The following SLC30A8 variants were observed in gnomAD, a reference collection of about 807,000 sequenced individuals.
The protein encoded by SLC30A8 is proton-coupled zinc antiporter SLC30A8.
A neutral mutation model predicts 36.9 loss-of-function variants in SLC30A8; 27 were observed. That is an observed-to-expected ratio of 0.73 (90% CI 0.54 to 1.01). SLC30A8 has a LOEUF of 1.01. SLC30A8 is among the 50% of genes least tolerant of loss of function. The probability of loss-of-function intolerance (pLI) is 0.00; values close to 1 mark genes in which losing one functional copy is unlikely to be tolerated. For synonymous variants in SLC30A8, 164 were observed against 172.4 expected (o/e 0.95, Z 0.38); for missense variants, 439 against 452.0 (o/e 0.97, Z 0.26).
At chr8:116,959,624 A>G (rs1206120175) in intron 1 of SLC30A8, among the ~76,000 whole-genome samples, 1 of 151,960 alleles carries the variant, frequency 6.6e-6, no homozygotes, top group East Asian at 1.9e-4. Context: ...TGATCCTTTC[A>G]GTTTCTGCTT....
intron 1 of SLC30A8, among the ~76,000 whole-genome samples, chr8:117,012,400 G>A (rs1163798023): frequency 6.6e-6 from 1 of 151,366 alleles, no homozygotes; most frequent in African/African-American, 2.4e-5. Flanking sequence ...TCAACCAGTT[G>A]TGGATTGAAA....
chr8:116,956,197 G>T (rs931099483), intron 1 of SLC30A8, among the ~76,000 whole-genome samples: 1 of 152,176 alleles, frequency 6.6e-6, no homozygotes, highest in African/African-American at 2.4e-5. Flanking sequence ...CAACAGAATG[G>T]ATGCAAAGAT....
At chr8:117,155,504 C>T (rs1448824474) in intron 3 of SLC30A8, among the ~76,000 whole-genome samples, 1 of 152,058 alleles carries the variant, frequency 6.6e-6, no homozygotes, top group East Asian at 1.9e-4. Context: ...TGAGTGTTTG[C>T]TATATGTTAT....
intron 2 of SLC30A8, among the ~76,000 whole-genome samples, chr8:117,089,965 T>C (rs529594786): frequency 2.3e-4 from 35 of 151,458 alleles, no homozygotes; most frequent in Admixed American, 1.9e-3. Context: ...GAAACAATCT[T>C]GATAATTCCT....
At chr8:117,107,013 A>G (rs545597922) in intron 2 of SLC30A8, among the ~76,000 whole-genome samples, 28 of 152,316 alleles carry the variant, frequency 1.8e-4, no homozygotes, top group Middle Eastern at 3.4e-3. Context: ...AATTTTTGCC[A>G]TAGCACTTTC....
At chr8:117,022,268 AT>A (rs1816723275) in intron 1 of SLC30A8, among the ~76,000 whole-genome samples, 1 of 152,112 alleles carries the variant, frequency 6.6e-6, no homozygotes, top group African/African-American at 2.4e-5. Flanking sequence ...GATGGATAAA[AT>A]TTTTTTAAAC....
intron 1 of SLC30A8, among the ~76,000 whole-genome samples, chr8:116,980,407 A>G (rs1815212350): frequency 6.6e-6 from 1 of 152,158 alleles, no homozygotes; most frequent in Non-Finnish European, 1.5e-5. Flanking sequence ...ATGTAGTCTC[A>G]GCTGGAGACC....
intron 5 of SLC30A8, 151 bp downstream of exon 5, chr8:117,162,039 G>GTA: frequency 1.7e-6 from 1 of 600,928 alleles, no homozygotes; most frequent in South Asian, 3.1e-5. Context: ...ACTCAACCAT[G>GTA]GTGTTAAGAT....
chr8:117,023,890 A>T (rs1816790997), intron 1 of SLC30A8, among the ~76,000 whole-genome samples: 1 of 152,144 alleles, frequency 6.6e-6, no homozygotes, highest in African/African-American at 2.4e-5. Context: ...CACCCTAACT[A>T]ACTTGAAAAA....
chr8:117,120,482 A>T (rs1586548841), intron 2 of SLC30A8, among the ~76,000 whole-genome samples: 1 of 151,972 alleles, frequency 6.6e-6, no homozygotes, highest in Non-Finnish European at 1.5e-5. Context: ...TGGGTTAAAG[A>T]TGTAAACATA....
intron 1 of SLC30A8, among the ~76,000 whole-genome samples, chr8:117,011,368 T>G (rs976800826): frequency 6.6e-6 from 1 of 152,218 alleles, no homozygotes; most frequent in African/African-American, 2.4e-5. Flanking sequence ...TGAATGAAAC[T>G]TATCATTTTA....
At chr8:117,048,006 T>G (rs1035291626) in intron 2 of SLC30A8, among the ~76,000 whole-genome samples, 1 of 152,174 alleles carries the variant, frequency 6.6e-6, no homozygotes, top group Non-Finnish European at 1.5e-5. Context: ...TACCTCTTGT[T>G]TAGCATATAA....
intron 2 of SLC30A8, among the ~76,000 whole-genome samples, chr8:117,085,262 T>C (rs1193451343): frequency 1.3e-5 from 2 of 152,178 alleles, no homozygotes; most frequent in Non-Finnish European, 2.9e-5. Flanking sequence ...ATTAGTTCTC[T>C]TAAGATCATA....
At chr8:116,970,078 C>A (rs60502885) in intron 1 of SLC30A8, among the ~76,000 whole-genome samples, 6,901 of 151,892 alleles carry the variant, frequency 0.045, 506 homozygotes, top group African/African-American at 0.16. Flanking sequence ...ACACATTACT[C>A]CAATGTACAA....
intron 6 of SLC30A8, among the ~76,000 whole-genome samples, chr8:117,169,703 G>A (rs371854066): frequency 3.3e-5 from 5 of 152,218 alleles, no homozygotes; most frequent in African/African-American, 1.2e-4. Context: ...TCCAATAGCG[G>A]CAAAAGGCAA....
At chr8:116,987,079 T>C (rs1191097450) in intron 1 of SLC30A8, among the ~76,000 whole-genome samples, 1 of 151,988 alleles carries the variant, frequency 6.6e-6, no homozygotes, top group Non-Finnish European at 1.5e-5. Context: ...GAAAAATCAG[T>C]TTTCAGACTG....
chr8:117,155,417 C>T (rs1822427395), intron 3 of SLC30A8, among the ~76,000 whole-genome samples: 1 of 152,128 alleles, frequency 6.6e-6, no homozygotes, highest in South Asian at 2.1e-4. Context: ...ACCAGAAATT[C>T]TTGGGCTTGG....
At chr8:117,012,745 A>ACATG (rs1816389593) in intron 1 of SLC30A8, among the ~76,000 whole-genome samples, 1 of 150,400 alleles carries the variant, frequency 6.6e-6, no homozygotes, top group South Asian at 2.1e-4. Flanking sequence ...ACACACACAC[A>ACATG]CACACACACA....
At chr8:117,040,917 G>A (rs115342062) in intron 2 of SLC30A8, among the ~76,000 whole-genome samples, 2,417 of 152,114 alleles carry the variant, frequency 0.016, 67 homozygotes, top group African/African-American at 0.055. Context: ...ATATATGCAC[G>A]TGAAAATGGG....
Sources: allele counts gnomAD v4.1 joint callset (sites outside exome capture counted in the v4.1 genomes callset), GRCh38; gene constraint gnomAD v4.1.1; transcripts MANE v1.5; gene names NCBI Gene and HGNC (gene_info 2026-07-23, HGNC 2026-07-21).